Variants in SPIDR observed in about 807,000 individuals in gnomAD.
The protein encoded by SPIDR is scaffold protein involved in DNA repair.
SPIDR carries 93 observed loss-of-function variants against 104.6 expected under a neutral mutation model. The observed-to-expected ratio is 0.89, with a 90% CI of 0.75 to 1.06. The LOEUF (loss-of-function observed/expected upper bound fraction) is 1.06, where lower values mean the gene tolerates loss of function less well. Ranked by LOEUF, SPIDR falls within the 50% of genes least tolerant of loss-of-function variation. SPIDR has a pLI of 0.00. For missense variants in SPIDR, 1,154 were observed against 1,111.2 expected (o/e 1.04, Z -0.55); for synonymous variants, 431 against 416.9 (o/e 1.03, Z -0.41).
chr8:47,512,999 C>G (rs1291190707), intron 8 of SPIDR, among the ~76,000 whole-genome samples: 1 of 152,184 alleles, frequency 6.6e-6, no homozygotes, highest in Non-Finnish European at 1.5e-5. Flanking sequence ...AGCAAGGACC[C>G]TGATGAAATA....
intron 8 of SPIDR, among the ~76,000 whole-genome samples, chr8:47,478,760 C>T (rs2076555864): frequency 6.6e-6 from 1 of 152,206 alleles, no homozygotes; most frequent in East Asian, 1.9e-4. Context: ...TGCTGTGAGA[C>T]ATCAGGTGGA....
chr8:47,564,491 C>T (rs1156862550), intron 8 of SPIDR, among the ~76,000 whole-genome samples: 2 of 152,220 alleles, frequency 1.3e-5, no homozygotes, highest in Non-Finnish European at 1.5e-5. Context: ...ACCAGCCCAG[C>T]TAACATGGTG....
chr8:47,564,675 G>A (rs1489367941), intron 8 of SPIDR, among the ~76,000 whole-genome samples: 116 of 146,422 alleles, frequency 7.9e-4, no homozygotes, highest in African/African-American at 2.1e-3. Context: ...GCAAGATTCC[G>A]TCTCCAAAAA....
chr8:47,645,540 G>A (rs2154449148), intron 10 of SPIDR, among the ~76,000 whole-genome samples: 1 of 152,198 alleles, frequency 6.6e-6, no homozygotes, highest in East Asian at 1.9e-4. Context: ...CACTGGACCC[G>A]GGAAGGAATT....
At chr8:47,733,989 A>C (rs1386623192) in intron 19 of SPIDR, among the ~76,000 whole-genome samples, 1 of 152,114 alleles carries the variant, frequency 6.6e-6, no homozygotes, top group Admixed American at 6.5e-5. Context: ...AAGTCCCCCC[A>C]CGAGTTGGCG....
At chr8:47,299,950 A>C (rs906644829) in intron 5 of SPIDR, among the ~76,000 whole-genome samples, 4 of 152,266 alleles carry the variant, frequency 2.6e-5, no homozygotes, top group South Asian at 4.1e-4. Context: ...TGGTATCAGG[A>C]TGATGCTGGC....
intron 7 of SPIDR, among the ~76,000 whole-genome samples, chr8:47,417,104 T>C (rs1186862315): frequency 6.6e-6 from 1 of 152,228 alleles, no homozygotes; most frequent in Non-Finnish European, 1.5e-5. Flanking sequence ...CATGTGTCTT[T>C]ATAGCAGCAT....
intron 6 of SPIDR, among the ~76,000 whole-genome samples, chr8:47,405,110 A>T (rs1554666432): frequency 6.6e-6 from 1 of 152,078 alleles, no homozygotes; most frequent in African/African-American, 2.4e-5. Flanking sequence ...AGGGAAGGAG[A>T]ACCAGACACC....
intron 5 of SPIDR, among the ~76,000 whole-genome samples, chr8:47,380,755 T>G (rs1179154606): frequency 1.3e-5 from 2 of 152,160 alleles, no homozygotes; most frequent in Non-Finnish European, 2.9e-5. Context: ...TAACTATGGG[T>G]GTAGCTTGTT....
At chr8:47,264,794 A>G (rs908223961) in intron 1 of SPIDR, among the ~76,000 whole-genome samples, 1 of 151,960 alleles carries the variant, frequency 6.6e-6, no homozygotes, top group South Asian at 2.1e-4. Flanking sequence ...TGGGGTTAAT[A>G]CCTATATTGC....
chr8:47,422,623 C>G (rs2065729411), intron 7 of SPIDR, among the ~76,000 whole-genome samples: 1 of 152,202 alleles, frequency 6.6e-6, no homozygotes, highest in Non-Finnish European at 1.5e-5. Flanking sequence ...GTCCTGCACC[C>G]ACTGTCTGAC....
At chr8:47,351,857 C>G (rs555187804) in intron 5 of SPIDR, among the ~76,000 whole-genome samples, 33 of 152,194 alleles carry the variant, frequency 2.2e-4, no homozygotes, top group Non-Finnish European at 4.1e-4. Context: ...CTTGAGCATC[C>G]TTGGATTTTC....
chr8:47,404,203 A>T (rs1203269190), intron 6 of SPIDR, among the ~76,000 whole-genome samples: 3 of 152,256 alleles, frequency 2.0e-5, no homozygotes, highest in Non-Finnish European at 2.9e-5. Flanking sequence ...AATTAATTCA[A>T]GATGGATTAA....
At chr8:47,516,101 G>A (rs1454426481) in intron 8 of SPIDR, among the ~76,000 whole-genome samples, 1 of 152,130 alleles carries the variant, frequency 6.6e-6, no homozygotes, top group Non-Finnish European at 1.5e-5. Context: ...GAGCCACTGC[G>A]CCCGGCCAGT....
chr8:47,501,987 A>G (rs1307159539), intron 8 of SPIDR, among the ~76,000 whole-genome samples: 4 of 152,192 alleles, frequency 2.6e-5, no homozygotes, highest in Non-Finnish European at 4.4e-5. Context: ...CATCCCAGGG[A>G]TGAAGCCCAC....
At chr8:47,519,669 C>T (rs549172629) in intron 8 of SPIDR, among the ~76,000 whole-genome samples, 6 of 152,148 alleles carry the variant, frequency 3.9e-5, no homozygotes, top group African/African-American at 1.2e-4. Flanking sequence ...CCTGCAGTCC[C>T]GACTACTTGG....
In SPIDR at chr8:47,382,849, T is replaced by G. The variant is rs138035231; in HGVS notation, c.526-13527T>G. ...CCGCATTTCTCCTTTTATGCACCACTTCCCCCCATTGCATACATTACCAAA... is the reference window on the plus strand; with the variant it reads ...CCGCATTTCTCCTTTTATGCACCACGTCCCCCCATTGCATACATTACCAAA... On this transcript the variant is annotated intron_variant, in intron 5 of 19. Transcript: ENST00000297423. Among the ~76,000 whole-genome samples, 147 of 152,330 alleles carry G rather than the reference T, an allele frequency of 9.7e-4. 1 individual carries two copies. The highest frequency in any genetic ancestry group is 1.7e-3 in the Non-Finnish European group (117 of 68,020).
intron 5 of SPIDR, among the ~76,000 whole-genome samples, chr8:47,330,079 TAAG>T (rs372013092): frequency 3.0e-4 from 45 of 152,332 alleles, no homozygotes; most frequent in African/African-American, 1.1e-3. Flanking sequence ...CCTTCAGCCT[TAAG>T]AAATTCTGTG....
rs538375808 is a variant in SPIDR at position 47,591,200 on chromosome 8, G to T, written c.1098-4611G>T. On this transcript the variant is annotated intron_variant, in intron 8 of 19. Transcript: ENST00000297423. Reference sequence around the variant, plus strand: ...TACTTTTTGTTTTCTTTGTTCTCTGGTTTTTTTTTTTGTTTTATTTTTCCT... The same window carrying T: ...TACTTTTTGTTTTCTTTGTTCTCTGTTTTTTTTTTTTGTTTTATTTTTCCT... Among the ~76,000 whole-genome samples the T allele has an allele frequency of 1.8e-4, 26 of 142,664 alleles. No homozygotes were observed. In the East Asian group the frequency reaches 2.2e-3, roughly 12 times the overall value. 93.6% of individuals were successfully genotyped at this position (142,664 alleles called of 152,430 possible). A position where few individuals can be genotyped will look rare whatever the true frequency, so the allele number is the denominator to read the frequency against.
Sources: allele counts gnomAD v4.1 joint callset (sites outside exome capture counted in the v4.1 genomes callset), GRCh38; gene constraint gnomAD v4.1.1; transcripts MANE v1.5; gene names NCBI Gene and HGNC (gene_info 2026-07-23, HGNC 2026-07-21).